ZNF500: variants seen among roughly 807,000 people sequenced by gnomAD.
The protein encoded by ZNF500 is zinc finger protein 500.
ZNF500 carries 31 observed loss-of-function variants against 30.1 expected under a neutral mutation model. The ratio of observed to expected loss-of-function variants is 1.03; its 90% CI spans 0.77 to 1.39. The LOEUF (loss-of-function observed/expected upper bound fraction) is 1.39, where lower values mean the gene tolerates loss of function less well. Among genes scored for constraint, ZNF500 ranks in the 40% most tolerant of loss-of-function variants. The probability of loss-of-function intolerance (pLI) is 0.00; values close to 1 mark genes in which losing one functional copy is unlikely to be tolerated. For synonymous variants in ZNF500, 392 were observed against 282.0 expected, an observed-to-expected ratio of 1.39 and a Z score of -3.91; for missense variants, 817 against 657.8, an observed-to-expected ratio of 1.24 and a Z score of -2.65.
chr16:4,744,974 A>T (rs560235749), downstream of ZNF500: 2 of 1,613,692 alleles, frequency 1.2e-6, no homozygotes, highest in Non-Finnish European at 1.7e-6. Flanking sequence ...GCCTGCCGAC[A>T]CTCCCCAGGA....
downstream of ZNF500, chr16:4,747,196 G>A: frequency 8.2e-7 from 1 of 1,212,506 alleles, no homozygotes; most frequent in South Asian, 1.5e-5. Flanking sequence ...CTGGGTCCCA[G>A]CAGTGGCAGC....
chr16:4,766,829 G>C (rs2082269262), intron 1 of ZNF500, 188 bp downstream of exon 1: 1 of 152,276 alleles, frequency 6.6e-6, no homozygotes, highest in Admixed American at 6.5e-5. Context: ...CGCGTGGGTG[G>C]TCACGACAGC....
At position 4,748,917 on chromosome 16, in the gene ZNF500, C is replaced by G. The variant is rs572965950; in HGVS notation, c.*3459G>C. The G allele has an allele frequency of 1.4e-4, 21 of 152,438 alleles. No homozygotes were observed. Among genetic ancestry groups the G allele is most frequent in the African/African-American group, 5.0e-4 (21 of 41,596 alleles). The allele number at this position is 152,438 out of a possible 1,614,324, so 9.4% of individuals were successfully genotyped here. ...GGGTCTCTTCTCATCAAGCCTTGTA[C>G]CAGGCAAAAGACAGGCCCTGCTTGG... On this transcript the variant is annotated 3_prime_UTR_variant, in exon 6 of 6. Transcript: ENST00000219478.
At chr16:4,744,753 G>C, downstream of ZNF500, 1 of 1,305,960 alleles carries the variant, frequency 7.7e-7, no homozygotes, top group African/African-American at 1.5e-5. Context: ...CGGGGGCAGT[G>C]GAGGAGCCTG....
chr16:4,765,832 G>T lies in ZNF500; in HGVS notation c.147C>A (p.Phe49Leu). ...AGCAGAAGAGCCGGAAGAGCTGGCG[G>T]AAAGTCTCAGGGCTGGGGTCCTCCG... ...VETEDPSPET[F>L]RQLFRLFCYQ... is the part of the protein sequence containing the mutation. The change falls in exon 2 of 6, where the codon TTC becomes TTA. Residue 49 changes from phenylalanine (F) to leucine (L), a missense_variant. Transcript: ENST00000219478. The T allele has an allele frequency of 6.2e-7, 1 of 1,613,722 alleles. No homozygotes were observed. Among genetic ancestry groups the T allele is most frequent in the South Asian group, 1.1e-5 (1 of 91,086 alleles).
intron 2 of ZNF500, among the ~76,000 whole-genome samples, chr16:4,765,250 G>C (rs947194615): frequency 6.6e-6 from 1 of 151,932 alleles, no homozygotes; most frequent in Non-Finnish European, 1.5e-5. Flanking sequence ...GCAATGAGCG[G>C]TGATCACACC....
chr16:4,752,654 G>A lies in ZNF500; in HGVS notation c.1165C>T (p.Arg389Cys), dbSNP rs777159262. The A allele has an allele frequency of 1.5e-5, 24 of 1,612,972 alleles. No homozygotes were observed. Among genetic ancestry groups the A allele is most frequent in the East Asian group, 4.5e-5 (2 of 44,852 alleles). ...ACCAGGCTGGAGCTCTGGCTGAAGC[G>A]CTTCCCACACTCGGGGCACGGGTAG... ...KPYPCPECGKRFSQSSSLVIH... is the reference protein window; with the variant it reads ...KPYPCPECGKCFSQSSSLVIH... Residue 389 changes from arginine to cysteine, a missense_variant, in exon 6 of 6, where the codon CGC (arginine) becomes TGC (cysteine). Arg to Cys is a radical substitution (Grantham distance 180). Transcript: ENST00000219478.
In ZNF500 at chr16:4,765,750, G is replaced by T; in HGVS notation, c.229C>A (p.Arg77Ser). Residue 77 changes from arginine (R) to serine (S), a missense_variant, in exon 2 of 6, where the codon CGC becomes AGC. Physicochemically the swap from Arg to Ser is moderately radical, Grantham distance 110. Transcript: ENST00000219478. ...GTGCGCAGCTCCGGCCGCAGCCAGCGGCAGCACAGCTCCCAGAGGCGGCTC... is the reference window on the plus strand; with the variant it reads ...GTGCGCAGCTCCGGCCGCAGCCAGCTGCAGCACAGCTCCCAGAGGCGGCTC... Reference protein sequence around the residue: ...ALSRLWELCCRWLRPELRTKE... With the variant: ...ALSRLWELCCSWLRPELRTKE... 6.2e-7 allele frequency: 1 copy of T among 1,613,142 alleles called. No homozygotes were observed. The highest frequency in any genetic ancestry group is 8.5e-7 in the Non-Finnish European group (1 of 1,179,904).
chr16:4,764,929 T>C (rs1344212279), intron 2 of ZNF500, among the ~76,000 whole-genome samples: 2 of 152,174 alleles, frequency 1.3e-5, no homozygotes, highest in Non-Finnish European at 2.9e-5. Flanking sequence ...GCCCCTGGTC[T>C]TTCTTCCCAG....
rs1295363387 is a variant in ZNF500 at position 4,765,792 on chromosome 16, C to T, written c.187G>A (p.Gly63Arg). 1.2e-6 allele frequency: 2 copies of T among 1,613,166 alleles called. No individual in the cohort carries two copies. Among genetic ancestry groups the T allele is most frequent in the South Asian group, 1.1e-5 (1 of 91,056 alleles). The change falls in exon 2 of 6, where the codon GGG becomes AGG. Residue 63 changes from glycine to arginine, a missense_variant. Coordinates refer to ENST00000219478, the MANE Select transcript of ZNF500 (RefSeq NM_021646.4). ...AGGCGGCTCAGGGCCTCCCGGGGCC[C>T]AGCCACCTCCTGGTAGCAGAAGAGC... The part of the protein sequence containing the change: ...FRLFCYQEVA[G>R]PREALSRLWE...
chr16:4,756,895 T>A (rs1196618511), intron 5 of ZNF500, among the ~76,000 whole-genome samples: 1 of 151,864 alleles, frequency 6.6e-6, no homozygotes, highest in Non-Finnish European at 1.5e-5. Context: ...GGTGGTAGAA[T>A]CACCTGAGCC....
At chr16:4,760,985 C>A (rs2082192419) in intron 4 of ZNF500, among the ~76,000 whole-genome samples, 1 of 152,052 alleles carries the variant, frequency 6.6e-6, no homozygotes, top group African/African-American at 2.4e-5. Context: ...AGATGTAGCA[C>A]CAGATTGACC....
downstream of ZNF500, chr16:4,746,157 G>A: frequency 2.0e-6 from 1 of 504,766 alleles, no homozygotes; most frequent in Non-Finnish European, 3.5e-6. Context: ...CAGATAGAGA[G>A]CATGTCCATC....
At chr16:4,765,526 C>A (rs750308200) in intron 2 of ZNF500, 39 bp downstream of exon 2, 11 of 1,544,284 alleles carry the variant, frequency 7.1e-6, no homozygotes, top group Non-Finnish European at 8.7e-6. Context: ...GCAGCAGGGC[C>A]CCATTTCCTC....
intron 4 of ZNF500, among the ~76,000 whole-genome samples, chr16:4,761,474 TACATACACACACAC>T (rs1409300173): frequency 4.1e-4 from 14 of 34,408 alleles, no homozygotes; most frequent in African/African-American, 1.1e-4. Flanking sequence ...CAAATACACA[TACATACACACACAC>T]ACACACACAC....
chr16:4,761,311 G>A (rs1212642482), intron 4 of ZNF500, among the ~76,000 whole-genome samples: 1 of 151,174 alleles, frequency 6.6e-6, no homozygotes, highest in East Asian at 1.9e-4. Context: ...ATGGTGGTGG[G>A]TGCCTGTAAT....
In ZNF500 at chr16:4,765,581, C is replaced by G. The variant is rs1354107710; in HGVS notation, c.398G>C (p.Arg133Thr). 1.2e-6 allele frequency: 2 copies of G among 1,600,878 alleles called. No homozygotes were observed. The highest frequency in any genetic ancestry group is 1.7e-6 in the Non-Finnish European group (2 of 1,172,170). Residue 133 changes from arginine (R) to threonine (T), a missense_variant, in exon 2 of 6, where the codon AGG (arginine) becomes ACG (threonine). Transcript: ENST00000219478. ...VLVEGLQRKPRKHRQRGSELL... is the reference protein window; with the variant it reads ...VLVEGLQRKPTKHRQRGSELL... ...CCCACTCACCCGCTGCCTGTGTTTCCTGGGCTTCCGCTGCAGCCCTTCCAC... is the reference window on the plus strand; with the variant it reads ...CCCACTCACCCGCTGCCTGTGTTTCGTGGGCTTCCGCTGCAGCCCTTCCAC...
intron 5 of ZNF500, among the ~76,000 whole-genome samples, chr16:4,753,955 A>T (rs1377403856): frequency 6.6e-6 from 1 of 152,146 alleles, no homozygotes; most frequent in Non-Finnish European, 1.5e-5. Context: ...CAGGTTCTAG[A>T]GCCACCACCA....
Position 4,750,528 on chromosome 16 carries a change from C to T in ZNF500, c.*1848G>A, listed in dbSNP as rs908703561. 6.7e-6 allele frequency: 1 copy of T among 149,100 alleles called. No homozygotes were observed. The highest frequency in any genetic ancestry group is 2.0e-4 in the East Asian group (1 of 5,028). The allele number at this position is 149,100 out of a possible 1,614,324, so 9.2% of individuals were successfully genotyped here. A position where few individuals can be genotyped will look rare whatever the true frequency, so the allele number is the denominator to read the frequency against. The stretch of plus-strand genomic sequence containing the variant: ...TTTTTTGTGTGGAGTCTCGTTCTAT[C>T]ACCAGGCTGGAGTACAACGGTGCGA... On this transcript the variant is annotated 3_prime_UTR_variant, in exon 6 of 6. Transcript: ENST00000219478.
Sources: allele counts gnomAD v4.1 joint callset (sites outside exome capture counted in the v4.1 genomes callset), GRCh38; gene constraint gnomAD v4.1.1; transcripts MANE v1.5; gene names NCBI Gene and HGNC (gene_info 2026-07-23, HGNC 2026-07-21).